TCF12: variants seen among roughly 807,000 people sequenced by gnomAD.
The protein encoded by TCF12 is DNA-binding protein HTF4.
Under a neutral mutation model 86.0 loss-of-function variants are expected in TCF12, and 45 were observed. The observed-to-expected ratio is 0.52, with a 90% confidence interval of 0.41 to 0.67. The LOEUF (loss-of-function observed/expected upper bound fraction) is 0.67, where lower values mean the gene tolerates loss of function less well. TCF12 is among the 30% of genes least tolerant of loss of function. TCF12 has a pLI of 0.00. For missense variants in TCF12, 881 were observed against 859.9 expected (o/e 1.02, Z -0.31); for synonymous variants, 330 against 299.6 (o/e 1.10, Z -1.05).
chr15:57,243,919 C>A (rs1462233216), intron 13 of TCF12, among the ~76,000 whole-genome samples: 5 of 152,074 alleles, frequency 3.3e-5, no homozygotes, highest in Non-Finnish European at 7.4e-5. Flanking sequence ...TACTCTGTTG[C>A]CCTGGCTGGA....
intron 7 of TCF12, among the ~76,000 whole-genome samples, chr15:57,193,616 C>T (rs2057097970): frequency 6.6e-6 from 1 of 152,180 alleles, no homozygotes. Flanking sequence ...TAAAAGTGGG[C>T]CAGCTTCTAA....
intron 5 of TCF12, among the ~76,000 whole-genome samples, chr15:57,144,534 A>T (rs1189273748): frequency 6.6e-6 from 1 of 152,162 alleles, no homozygotes; most frequent in African/African-American, 2.4e-5. Flanking sequence ...TTGTGTTCCT[A>T]AACTTGTGAC....
In TCF12 at chr15:56,972,737, A is replaced by T. The variant is rs537934560; in HGVS notation, c.148+51639A>T. ...TTGTATATAGTTCTAACTTGGAACC[A>T]CGTTAATGTTTCTCATACTTAAAAA... On this transcript the variant is annotated intron_variant, in intron 3 of 20. Transcript: ENST00000333725. Among the ~76,000 whole-genome samples, 24 of 152,304 alleles carry T rather than the reference A, an allele frequency of 1.6e-4. No individual in the cohort carries two copies. In the East Asian group the frequency reaches 4.2e-3, roughly 27 times the overall value.
chr15:57,241,263 T>C (rs1295280172), intron 12 of TCF12, among the ~76,000 whole-genome samples: 5 of 152,070 alleles, frequency 3.3e-5, no homozygotes, highest in Admixed American at 3.3e-4. Flanking sequence ...GACTAATTTT[T>C]GTATGTCTAG....
At chr15:56,931,924 C>T (rs1228832746) in intron 3 of TCF12, among the ~76,000 whole-genome samples, 1 of 152,144 alleles carries the variant, frequency 6.6e-6, no homozygotes, top group African/African-American at 2.4e-5. Context: ...AACCATGATA[C>T]AATGTTGAAT....
Position 57,234,021 on chromosome 15 carries a change from T to A in TCF12, c.971-22T>A, listed in dbSNP as rs780749796. The A allele has an allele frequency of 1.9e-6, 3 of 1,607,508 alleles. No homozygotes were observed. The Admixed American group carries it at 5.0e-5, about 27-fold the overall frequency. The stretch of plus-strand genomic sequence containing the variant: ...ATACTTGCTTGTAAAATTCTTGATT[T>A]ATTTCTCTATGAAATATCCAGGAAC... On this transcript the variant is annotated intron_variant, in intron 11 of 20. Transcript: ENST00000333725.
At position 57,289,718 on chromosome 15, in the gene TCF12, A is replaced by C. The variant is rs2062042898; in HGVS notation, c.*3573A>C. The stretch of plus-strand genomic sequence containing the variant: ...AACATCTGATTAACTTCATTTTCCT[A>C]TCTGAAAAATGGAGATAACATTAGA... On this transcript the variant is annotated 3_prime_UTR_variant, in exon 21 of 21. Transcript: ENST00000333725. 6.6e-6 allele frequency: 1 copy of C among 152,116 alleles called. No individual in the cohort carries two copies. Among genetic ancestry groups the C allele is most frequent in the Non-Finnish European group, 1.5e-5 (1 of 68,016 alleles). 9.4% of individuals were successfully genotyped at this position (152,116 alleles called of 1,614,324 possible).
At chr15:57,089,790 T>G (rs1268221906) in intron 4 of TCF12, among the ~76,000 whole-genome samples, 2 of 152,112 alleles carry the variant, frequency 1.3e-5, no homozygotes, top group Non-Finnish European at 2.9e-5. Flanking sequence ...TTTAAGTGAG[T>G]ATTTTTATAG....
intron 3 of TCF12, among the ~76,000 whole-genome samples, chr15:56,926,032 G>C (rs1314262711): frequency 2.6e-5 from 4 of 152,156 alleles, no homozygotes; most frequent in African/African-American, 9.7e-5. Flanking sequence ...GAGACATTTC[G>C]TTGGCGTGGT....
At chr15:57,280,639 G>T (rs1292652819) in intron 19 of TCF12, among the ~76,000 whole-genome samples, 4 of 152,168 alleles carry the variant, frequency 2.6e-5, no homozygotes, top group Non-Finnish European at 5.9e-5. Flanking sequence ...ACAGGCTGAG[G>T]TGGGAGGATC....
At chr15:57,170,639 TATAATATATATATTATATAAAATATA>T (rs2055257348) in intron 6 of TCF12, among the ~76,000 whole-genome samples, 1 of 37,076 alleles carries the variant, frequency 2.7e-5, no homozygotes, top group Non-Finnish European at 4.2e-5. Flanking sequence ...TATATATATA[TATAATATATATATTATATAAAATATA>T]TATATATATA....
chr15:57,137,368 A>G (rs760753612), intron 5 of TCF12, among the ~76,000 whole-genome samples: 5 of 152,206 alleles, frequency 3.3e-5, no homozygotes, highest in African/African-American at 4.8e-5. Context: ...GTAATTTACA[A>G]AGGATGTATT....
At chr15:56,973,869 C>T (rs1242543853) in intron 3 of TCF12, among the ~76,000 whole-genome samples, 1 of 152,082 alleles carries the variant, frequency 6.6e-6, no homozygotes, top group African/African-American at 2.4e-5. Flanking sequence ...GACACCATCA[C>T]TTTTGTGTTA....
At chr15:57,029,117 T>C (rs1768956181) in intron 3 of TCF12, among the ~76,000 whole-genome samples, 1 of 152,152 alleles carries the variant, frequency 6.6e-6, no homozygotes. Flanking sequence ...ATCATAAGCA[T>C]TTCAAATTAA....
intron 8 of TCF12, among the ~76,000 whole-genome samples, chr15:57,200,546 A>G (rs2057490030): frequency 1.3e-5 from 2 of 152,322 alleles, no homozygotes; most frequent in South Asian, 4.1e-4. Context: ...TCAGGATTTC[A>G]TCAGTTTCCT....
At chr15:57,015,168 A>G (rs2065081542) in intron 3 of TCF12, among the ~76,000 whole-genome samples, 1 of 152,126 alleles carries the variant, frequency 6.6e-6, no homozygotes, top group African/African-American at 2.4e-5. Flanking sequence ...CATACTTGTA[A>G]TTCTGGCTAC....
chr15:57,115,406 TTG>T lies in TCF12; in HGVS notation c.325+23516_325+23517del, dbSNP rs1567452289. Among the ~76,000 whole-genome samples, 22 of 152,324 alleles carry T rather than the reference TTG, an allele frequency of 1.4e-4. 1 individual carries two copies. In the South Asian group the frequency reaches 4.6e-3, roughly 32 times the overall value. ...TACATTCTAGTAATTTTTGATGAAATTGGCAGTGACATTAGTGGCATTAGCAT... is the reference window on the plus strand; with the variant it reads ...TACATTCTAGTAATTTTTGATGAAATGCAGTGACATTAGTGGCATTAGCAT... On this transcript the variant is annotated intron_variant, in intron 5 of 20. Transcript: ENST00000333725.
At chr15:57,149,443 GA>G (rs1306993243) in intron 5 of TCF12, among the ~76,000 whole-genome samples, 1 of 152,202 alleles carries the variant, frequency 6.6e-6, no homozygotes, top group Non-Finnish European at 1.5e-5. Flanking sequence ...TAACCTTTTA[GA>G]AATAGCTATG....
chr15:57,254,818 A>G (rs1383999556), intron 16 of TCF12, among the ~76,000 whole-genome samples: 6 of 73,872 alleles, frequency 8.1e-5, no homozygotes, highest in African/African-American at 1.9e-4. Flanking sequence ...TGTTCATGCT[A>G]CTGCACTCCA....
Sources: allele counts gnomAD v4.1 joint callset (sites outside exome capture counted in the v4.1 genomes callset), GRCh38; gene constraint gnomAD v4.1.1; transcripts MANE v1.5; gene names NCBI Gene and HGNC (gene_info 2026-07-23, HGNC 2026-07-21).